The following IL15RA variants were observed in gnomAD, a reference collection of about 807,000 sequenced individuals.
IL15RA encodes interleukin 15 receptor subunit alpha.
In IL15RA, 26 loss-of-function variants were observed where a neutral mutation model predicts 24.2. The observed-to-expected ratio is 1.07, with a 90% CI of 0.79 to 1.49. IL15RA has a LOEUF of 1.49. Ranked by LOEUF, IL15RA falls within the 40% of genes most tolerant of loss-of-function variation. The pLI is 0.00. For missense variants in IL15RA, 354 were observed against 356.4 expected (o/e 0.99, Z 0.05); for synonymous variants, 166 against 157.6 (o/e 1.05, Z -0.40).
In IL15RA at chr10:5,968,386, T is replaced by C. The variant is rs529653364; in HGVS notation, c.89-2047A>G. 5.5e-4 allele frequency among the ~76,000 whole-genome samples: 84 copies of C among 152,292 alleles called. No homozygotes were observed. The highest frequency in any genetic ancestry group is 2.2e-3 in the Admixed American group (34 of 15,302). On this transcript the variant is annotated intron_variant, in intron 1 of 6. Coordinates refer to ENST00000379977, the MANE Select transcript of IL15RA (RefSeq NM_002189.4). This position sits in a 1 kb window ranked among gnomAD's most constrained non-coding sequence, Gnocchi z 5.4. ...GAAATCTCAAATTCAAGATTGTTCT[T>C]TCCATTCAACTCCCATCCCAAAGCC... is the stretch of plus-strand genomic sequence containing the variant.
At chr10:5,950,936 A>T (rs41294025), downstream of IL15RA, 14 of 152,026 alleles carry the variant, frequency 9.2e-5, no homozygotes, top group African/African-American at 3.1e-4. This position sits in a 1 kb window ranked among gnomAD's most constrained non-coding sequence, Gnocchi z 5.6. Context: ...TCACAAGTTC[A>T]AGAGACCATC....
chr10:5,966,456 GC>G lies in IL15RA; in HGVS notation c.89-118del. The stretch of plus-strand genomic sequence containing the variant: ...TTATCCTAGGGGTGCCTCAGGACAA[GC>G]CCCAGGTGCCAGGCACGTGGAGGAT... On this transcript the variant is annotated intron_variant, in intron 1 of 6. Coordinates refer to ENST00000379977, the MANE Select transcript of IL15RA (RefSeq NM_002189.4). This position sits in a 1 kb window ranked among gnomAD's most constrained non-coding sequence, Gnocchi z 6.4. 2.6e-6 allele frequency: 2 copies of G among 770,328 alleles called. No homozygotes were observed. Among genetic ancestry groups the G allele is most frequent in the Non-Finnish European group, 4.2e-6 (2 of 478,656 alleles). The allele number at this position is 770,328 out of a possible 1,614,324, so 47.7% of individuals were successfully genotyped here. A position where few individuals can be genotyped will look rare whatever the true frequency, so the allele number is the denominator to read the frequency against.
In IL15RA at chr10:5,967,790, A is replaced by G. The variant is rs2132558607; in HGVS notation, c.89-1451T>C. On this transcript the variant is annotated intron_variant, in intron 1 of 6. Coordinates refer to ENST00000379977, the MANE Select transcript of IL15RA (RefSeq NM_002189.4). The surrounding 1 kb of genome is among the most constrained non-coding windows in gnomAD (Gnocchi z 4.4). ...CGATAAAGAATAGGCTGGGTGCGGT[A>G]GCTCACGCCTGTAATCCGAGGACTT... 6.6e-6 allele frequency among the ~76,000 whole-genome samples: 1 copy of G among 152,302 alleles called. No homozygotes were observed. Among genetic ancestry groups the G allele is most frequent in the East Asian group, 1.9e-4 (1 of 5,178 alleles).
In IL15RA at chr10:5,952,732, A is replaced by G. The variant is rs553365281; in HGVS notation, c.*363T>C. 5 of 274,284 alleles carry G rather than the reference A, an allele frequency of 1.8e-5. No homozygotes were observed. In the East Asian group the frequency reaches 4.0e-4, roughly 22 times the overall value. 17.0% of individuals were successfully genotyped at this position (274,284 alleles called of 1,614,324 possible). A position where few individuals can be genotyped will look rare whatever the true frequency, so the allele number is the denominator to read the frequency against. ...TATGTCACTTTTCTCTGTGAACTGAAAGTTAGGATGAGGGACGGAAGATTC... is the reference window on the plus strand; with the variant it reads ...TATGTCACTTTTCTCTGTGAACTGAGAGTTAGGATGAGGGACGGAAGATTC... On this transcript the variant is annotated 3_prime_UTR_variant, in exon 7 of 7. Transcript: ENST00000379977.
downstream of IL15RA, chr10:5,949,411 C>T (rs1833717398): frequency 4.3e-6 from 2 of 469,474 alleles, no homozygotes; most frequent in Non-Finnish European, 8.8e-6. The surrounding 1 kb of genome is among the most constrained non-coding windows in gnomAD (Gnocchi z 4.4). Flanking sequence ...AATATGCACA[C>T]ATTGAGTTCT....
Position 5,966,265 on chromosome 10 carries a change from C to G in IL15RA, c.163G>C (p.Glu55Gln), listed in dbSNP as rs760109906. 1 of 1,614,144 alleles carries G rather than the reference C, an allele frequency of 6.2e-7. No individual in the cohort carries two copies. Residue 55 changes from glutamate to glutamine, a missense_variant, in exon 2 of 7, where the codon GAG (glutamate) becomes CAG (glutamine). Coordinates refer to ENST00000379977, the MANE Select transcript of IL15RA (RefSeq NM_002189.4). The surrounding 1 kb of genome is among the most constrained non-coding windows in gnomAD (Gnocchi z 6.4). ...WVKSYSLYSR[E>Q]RYICNSGFKR... Reference sequence around the variant, plus strand: ...AAACCAGAGTTACAAATGTACCGCTCCCTGGAGTACAAGCTGTAGCTCTTG... The same window carrying G: ...AAACCAGAGTTACAAATGTACCGCTGCCTGGAGTACAAGCTGTAGCTCTTG...
At position 5,977,440 on chromosome 10, in the gene IL15RA, A is replaced by G; in HGVS notation, c.53T>C (p.Leu18Pro). 1 of 1,365,168 alleles carries G rather than the reference A, an allele frequency of 7.3e-7. No individual in the cohort carries two copies. Among genetic ancestry groups the G allele is most frequent in the Non-Finnish European group, 9.4e-7 (1 of 1,061,990 alleles). The allele number at this position is 1,365,168 out of a possible 1,614,324, so 84.6% of individuals were successfully genotyped here. The change falls in exon 1 of 7, where the codon CTA (leucine) becomes CCA (proline). Residue 18 changes from leucine to proline, a missense_variant. Transcript: ENST00000379977. The stretch of plus-strand genomic sequence containing the variant: ...CGGCGGCCGGAGCAGCAGCAGCAGT[A>G]GCAGCGCCGGGAGACCGAGGGTCCG... Reference protein sequence around the residue: ...GCRTLGLPALLLLLLLRPPAT... With the variant: ...GCRTLGLPALPLLLLLRPPAT...
chr10:5,960,218 C>A lies in IL15RA; in HGVS notation c.583+149G>T, dbSNP rs558033262. ...CACGGAGAAAGAGGTCAGGCCAGGA[C>A]GCCGTGGCTGGTGGCCGGGGCCAGC... On this transcript the variant is annotated intron_variant, in intron 4 of 6. Coordinates refer to ENST00000379977, the MANE Select transcript of IL15RA (RefSeq NM_002189.4). The surrounding 1 kb of genome is among the most constrained non-coding windows in gnomAD (Gnocchi z 5.1). The A allele has an allele frequency of 8.0e-6, 6 of 749,646 alleles. No individual in the cohort carries two copies. Among genetic ancestry groups the A allele is most frequent in the South Asian group, 1.6e-5 (1 of 61,534 alleles). The allele number at this position is 749,646 out of a possible 1,614,324, so 46.4% of individuals were successfully genotyped here.
At chr10:5,957,553 C>T (rs1023160457) in intron 5 of IL15RA, among the ~76,000 whole-genome samples, 5 of 151,246 alleles carry the variant, frequency 3.3e-5, no homozygotes, top group South Asian at 2.1e-4. Flanking sequence ...GGATTACAGG[C>T]GTGAACCACC....
intron 1 of IL15RA, among the ~76,000 whole-genome samples, chr10:5,976,311 A>C (rs113528342): frequency 0.012 from 1,784 of 152,226 alleles, 30 homozygotes; most frequent in Admixed American, 0.034. Context: ...TTCAGGCCAC[A>C]CCAGGCAGCA....
chr10:5,972,187 T>C (rs192723883), intron 1 of IL15RA, among the ~76,000 whole-genome samples: 58 of 152,246 alleles, frequency 3.8e-4, no homozygotes, highest in Middle Eastern at 3.4e-3. Flanking sequence ...GCTCCAGTAA[T>C]GCTCCCCTGC....
At position 5,959,365 on chromosome 10, in the gene IL15RA, C is replaced by G. The variant is rs1277355644; in HGVS notation, c.616+389G>C. On this transcript the variant is annotated intron_variant, in intron 5 of 6. Transcript: ENST00000379977. This position sits in a 1 kb window ranked among gnomAD's most constrained non-coding sequence, Gnocchi z 4.1. ...TCTCTGTTAAGTGCACGGTGCCACGCCCTGGAGAGGAATTGGCAGCTTCTG... is the reference window on the plus strand; with the variant it reads ...TCTCTGTTAAGTGCACGGTGCCACGGCCTGGAGAGGAATTGGCAGCTTCTG... Among the ~76,000 whole-genome samples the G allele has an allele frequency of 2.6e-5, 4 of 152,018 alleles. No individual in the cohort carries two copies. The highest frequency in any genetic ancestry group is 9.7e-5 in the African/African-American group (4 of 41,392).
At chr10:5,976,367 C>T (rs904664932) in intron 1 of IL15RA, among the ~76,000 whole-genome samples, 14 of 152,190 alleles carry the variant, frequency 9.2e-5, no homozygotes, top group African/African-American at 3.4e-4. Flanking sequence ...GGCAGACTGG[C>T]CCGACTGGAT....
In IL15RA at chr10:5,977,450, G is replaced by C; in HGVS notation, c.43C>G (p.Pro15Ala). 1 of 1,367,358 alleles carries C rather than the reference G, an allele frequency of 7.3e-7. No homozygotes were observed. The highest frequency in any genetic ancestry group is 9.4e-7 in the Non-Finnish European group (1 of 1,061,802). 84.7% of individuals were successfully genotyped at this position (1,367,358 alleles called of 1,614,324 possible). ...RARGCRTLGL[P>A]ALLLLLLLRP... ...AGCAGCAGCAGCAGTAGCAGCGCCG[G>C]GAGACCGAGGGTCCGGCAGCCGCGC... The change falls in exon 1 of 7, where the codon CCG becomes GCG. Residue 15 changes from proline (P) to alanine (A), a missense_variant. Pro to Ala is a conservative substitution (Grantham distance 27, BLOSUM62 -1). Transcript: ENST00000379977.
chr10:5,974,600 G>C (rs896341356), intron 1 of IL15RA, among the ~76,000 whole-genome samples: 1 of 152,154 alleles, frequency 6.6e-6, no homozygotes, highest in Non-Finnish European at 1.5e-5. Flanking sequence ...TCTGAGGCCA[G>C]GTGCAATGGC....
At chr10:5,977,552 G>A (rs1286789110), upstream of IL15RA, 2 of 1,275,998 alleles carry the variant, frequency 1.6e-6, no homozygotes. Flanking sequence ...AGGCCGGGGG[G>A]AGGTGGCGAG....
chr10:5,949,534 G>A (rs114200033), downstream of IL15RA, among the ~76,000 whole-genome samples: 779 of 152,186 alleles, frequency 5.1e-3, 5 homozygotes, highest in African/African-American at 0.017. This position sits in a 1 kb window ranked among gnomAD's most constrained non-coding sequence, Gnocchi z 4.4. Context: ...CGGGGAGTCC[G>A]CTCTGTGCTG....
Position 5,962,746 on chromosome 10 carries a change from CAACA to C in IL15RA, c.382+993_382+996del, listed in dbSNP as rs758193237. On this transcript the variant is annotated intron_variant, in intron 3 of 6. Transcript: ENST00000379977. This position sits in a 1 kb window ranked among gnomAD's most constrained non-coding sequence, Gnocchi z 5.2. ...TGGCTGAGTCCTGTAGTATGAATGA[CAACA>C]GACAGGCCCATCCCCCCGGGGGCAA... 5.6e-4 allele frequency among the ~76,000 whole-genome samples: 86 copies of C among 152,252 alleles called. No homozygotes were observed. The highest frequency in any genetic ancestry group is 1.0e-3 in the Non-Finnish European group (68 of 68,018).
chr10:5,977,473 C>A lies in IL15RA; in HGVS notation c.20G>T (p.Arg7Leu), dbSNP rs1279339239. The A allele has an allele frequency of 1.5e-6, 2 of 1,356,582 alleles. No individual in the cohort carries two copies. The highest frequency in any genetic ancestry group is 1.9e-6 in the Non-Finnish European group (2 of 1,056,514). The allele number at this position is 1,356,582 out of a possible 1,614,324, so 84.0% of individuals were successfully genotyped here. The stretch of plus-strand genomic sequence containing the variant: ...CGGGAGACCGAGGGTCCGGCAGCCG[C>A]GCGCCCGCCGCGGGGCCATGGCGGC... Reference protein sequence around the residue: MAPRRARGCRTLGLPAL... With the variant: MAPRRALGCRTLGLPAL... Residue 7 changes from arginine (R) to leucine (L), a missense_variant, in exon 1 of 7, where the codon CGC (arginine) becomes CTC (leucine). Transcript: ENST00000379977.
Sources: gnomAD v4.1 joint callset for allele counts (sites outside exome capture counted in the v4.1 genomes callset) on GRCh38, gnomAD v4.1.1 for gene constraint, Gnocchi (gnomAD v3.1) non-coding constraint, MANE v1.5 for transcripts, NCBI Gene and HGNC (gene_info 2026-07-23, HGNC 2026-07-21) for gene names.